Variants in TFPT observed in about 807,000 individuals in gnomAD.
TFPT encodes TCF3 fusion partner, also known as INO80 complex subunit F.
Under a neutral mutation model 28.8 loss-of-function variants are expected in TFPT, and 27 were observed. The ratio of observed to expected loss-of-function variants is 0.94; its 90% CI spans 0.69 to 1.29. The LOEUF (loss-of-function observed/expected upper bound fraction) is 1.29, where lower values mean the gene tolerates loss of function less well. TFPT is among the 50% of genes most tolerant of loss of function. TFPT has a pLI of 0.00. For synonymous variants in TFPT, 152 were observed against 142.8 expected (o/e 1.06, Z -0.46); for missense variants, 330 against 338.0 (o/e 0.98, Z 0.19).
Position 54,114,463 on chromosome 19 carries a change from C to G in TFPT, c.261G>C (p.Arg87=), listed in dbSNP as rs778588676. The change falls in exon 2 of 6, where the codon CGG becomes CGC. Residue 87 remains arginine, a synonymous_variant. Coordinates refer to ENST00000391759, the MANE Select transcript of TFPT (RefSeq NM_013342.4). ...CTACCTGCTCGATCTCCCGGCAGCG[C>G]CGACCTAGTGCCTGGTACTTTCTGC... ...LNRRKYQALG[R]RCREIEQVNE... is the part of the protein sequence containing the mutation. The G allele has an allele frequency of 1.9e-6, 3 of 1,613,440 alleles. No homozygotes were observed. The highest frequency in any genetic ancestry group is 2.5e-6 in the Non-Finnish European group (3 of 1,179,848).
Position 54,110,111 on chromosome 19 carries a change from C to T in TFPT, c.293G>A (p.Arg98Gln), listed in dbSNP as rs774272913. The T allele has an allele frequency of 3.3e-5, 54 of 1,614,030 alleles. No homozygotes were observed. The highest frequency in any genetic ancestry group is 4.0e-5 in the African/African-American group (3 of 74,926). ...RCREIEQVNE[R>Q]VLNRLHQVQR... ...CACCTGATGGAGCCTGTTCAGGACCCGCTCGTTCACCTATGGGGTGGGAAA... is the reference window on the plus strand; with the variant it reads ...CACCTGATGGAGCCTGTTCAGGACCTGCTCGTTCACCTATGGGGTGGGAAA... Residue 98 changes from arginine (R) to glutamine (Q), a missense_variant, in exon 3 of 6, where the codon CGG (arginine) becomes CAG (glutamine). By Grantham distance (43) the Arg-to-Gln change is conservative. Coordinates refer to ENST00000391759, the MANE Select transcript of TFPT (RefSeq NM_013342.4).
Position 54,115,452 on chromosome 19 carries a change from C to A in TFPT, c.-183G>T. ...CTTCGCTTCGGCCCACCCCCACGTC[C>A]ACCCCGAATCCCTGCTTAAAGGCCT... On this transcript the variant is annotated 5_prime_UTR_variant, in exon 1 of 6. Coordinates refer to ENST00000391759, the MANE Select transcript of TFPT (RefSeq NM_013342.4). 2.8e-6 allele frequency: 2 copies of A among 722,552 alleles called. No individual in the cohort carries two copies. Among genetic ancestry groups the A allele is most frequent in the Non-Finnish European group, 4.6e-6 (2 of 436,074 alleles). 44.8% of individuals were successfully genotyped at this position (722,552 alleles called of 1,614,324 possible). A position where few individuals can be genotyped will look rare whatever the true frequency, so the allele number is the denominator to read the frequency against.
Position 54,115,353 on chromosome 19 carries a change from C to T in TFPT, c.-84G>A. On this transcript the variant is annotated 5_prime_UTR_variant, in exon 1 of 6. Coordinates refer to ENST00000391759, the MANE Select transcript of TFPT (RefSeq NM_013342.4). ...TAAGCCGTTCGCAAAACTACTTGTC[C>T]CATCAGGCTCAGCAGCCGAGGACGG... 1 of 1,597,934 alleles carries T rather than the reference C, an allele frequency of 6.3e-7. No individual in the cohort carries two copies. Among genetic ancestry groups the T allele is most frequent in the Non-Finnish European group, 8.6e-7 (1 of 1,167,992 alleles).
At chr19:54,114,724 G>C in intron 1 of TFPT, 24 bp from the exon 2 acceptor site, 2 of 1,600,364 alleles carry the variant, frequency 1.2e-6, no homozygotes, top group South Asian at 2.2e-5. Flanking sequence ...AAAGGCTCAG[G>C]GGCCCTGGAT....
chr19:54,115,553 C>G lies in TFPT; in HGVS notation c.-284G>C. The G allele has an allele frequency of 1.7e-6, 1 of 579,754 alleles. No homozygotes were observed. The allele number at this position is 579,754 out of a possible 1,614,324, so 35.9% of individuals were successfully genotyped here. On this transcript the variant is annotated 5_prime_UTR_variant, in exon 1 of 6. Coordinates refer to ENST00000391759, the MANE Select transcript of TFPT (RefSeq NM_013342.4). Reference sequence around the variant, plus strand: ...CTTCTTGTCTCGACGCCCCGTCGTCCGGCCACAGCGATTCTCTGCTTAGCA... The same window carrying G: ...CTTCTTGTCTCGACGCCCCGTCGTCGGGCCACAGCGATTCTCTGCTTAGCA...
At position 54,108,372 on chromosome 19, in the gene TFPT, G is replaced by T. The variant is rs2073345471; in HGVS notation, c.377C>A (p.Ser126Tyr). The change falls in exon 4 of 6, where the codon TCC becomes TAC. Residue 126 changes from serine to tyrosine, a missense_variant. Ser to Tyr is a moderately radical substitution (Grantham distance 144, BLOSUM62 -2). Coordinates refer to ENST00000391759, the MANE Select transcript of TFPT (RefSeq NM_013342.4). Reference protein sequence around the residue: ...ERRFLMRVLDSYGDDYRASQF... With the variant: ...ERRFLMRVLDYYGDDYRASQF... The stretch of plus-strand genomic sequence containing the variant: ...GCTGGCCCGGTAGTCATCCCCGTAG[G>T]AGTCCAGCACTCTCATGAGGAACCT... The T allele has an allele frequency of 1.2e-6, 2 of 1,613,036 alleles. No homozygotes were observed. Among genetic ancestry groups the T allele is most frequent in the Admixed American group, 3.3e-5 (2 of 59,842 alleles).
At chr19:54,109,720 AAAG>A (rs2073386972) in intron 3 of TFPT, among the ~76,000 whole-genome samples, 1 of 130,248 alleles carries the variant, frequency 7.7e-6, no homozygotes, top group Non-Finnish European at 1.6e-5. Context: ...AGCAAAAAAA[AAAG>A]AAAATACTTG....
intron 1 of TFPT, 38 bp downstream of exon 1, chr19:54,115,209 T>A (rs754252266): frequency 1.2e-6 from 2 of 1,614,146 alleles, no homozygotes; most frequent in South Asian, 2.2e-5. Flanking sequence ...CACTGTTTTC[T>A]GGGATTCGCA....
intron 2 of TFPT, among the ~76,000 whole-genome samples, chr19:54,113,093 CAAAAAAAAAAAAAAAA>C (rs139440012): frequency 3.4e-5 from 2 of 58,560 alleles, no homozygotes; most frequent in Admixed American, 2.6e-4. Flanking sequence ...GACTCCACCT[CAAAAAAAAAAAAAAAA>C]AAAAAAAAAA....
chr19:54,111,684 GAAA>G (rs56412241), intron 2 of TFPT, among the ~76,000 whole-genome samples: 22 of 119,464 alleles, frequency 1.8e-4, no homozygotes, highest in African/African-American at 6.3e-4. Context: ...TGTCTCAAAA[GAAA>G]AAAAAAAAAA....
chr19:54,107,207 G>A, intron 5 of TFPT, 38 bp from the exon 6 acceptor site: 2 of 1,584,242 alleles, frequency 1.3e-6, no homozygotes, highest in South Asian at 1.1e-5. Context: ...ACAGGCCTGG[G>A]AATCTAGAAA....
intron 5 of TFPT, chr19:54,107,409 C>G: frequency 5.5e-6 from 3 of 543,514 alleles, no homozygotes; most frequent in Non-Finnish European, 9.7e-6. Flanking sequence ...CCAACCAAGC[C>G]TAACATGTTT....
rs759956326 is a variant in TFPT, at chr19:54,115,308, G to T, written c.-39C>A. The T allele has an allele frequency of 4.6e-5, 75 of 1,613,544 alleles. No homozygotes were observed. Among genetic ancestry groups the T allele is most frequent in the South Asian group, 8.8e-5 (8 of 91,088 alleles). On this transcript the variant is annotated 5_prime_UTR_variant, in exon 1 of 6. Coordinates refer to ENST00000391759, the MANE Select transcript of TFPT (RefSeq NM_013342.4). ...GGAAGCCCCGGGCCTCAGAGCTTCC[G>T]ACCTCTTCAATCTGTAGGTTAAGCC... is the stretch of plus-strand genomic sequence containing the variant.
At position 54,108,489 on chromosome 19, in the gene TFPT, A is replaced by G. The variant is rs376422382; in HGVS notation, c.354-94T>C. On this transcript the variant is annotated intron_variant, in intron 3 of 5. Coordinates refer to ENST00000391759, the MANE Select transcript of TFPT (RefSeq NM_013342.4). ...TAGAGCTCAGCTCCCACTCCACTCA[A>G]CGCCAAAGCTGTCCTGGAGCCAGAC... 3 of 1,613,454 alleles carry G rather than the reference A, an allele frequency of 1.9e-6. No individual in the cohort carries two copies. In the African/African-American group the frequency reaches 4.0e-5, roughly 22 times the overall value.
chr19:54,111,895 G>T (rs1314165360), intron 2 of TFPT, among the ~76,000 whole-genome samples: 1 of 151,974 alleles, frequency 6.6e-6, no homozygotes, highest in Non-Finnish European at 1.5e-5. Context: ...CAGGAGAATC[G>T]CTTGAACCCA....
At chr19:54,115,099 C>A (rs940957539) in intron 1 of TFPT, 148 bp downstream of exon 1, 5 of 1,244,006 alleles carry the variant, frequency 4.0e-6, no homozygotes, top group Non-Finnish European at 5.8e-6. Context: ...TCAGGATGAC[C>A]CCAGTCCATA....
Position 54,114,692 on chromosome 19 carries a change from G to A in TFPT, c.32C>T (p.Ala11Val). Residue 11 changes from alanine (A) to valine (V), a missense_variant, in exon 2 of 6, where the codon GCA becomes GTA. Ala to Val is a moderately conservative substitution (Grantham distance 64). Transcript: ENST00000391759. The stretch of plus-strand genomic sequence containing the variant: ...TGAGAACTCCTCAAAGCCCACGGCT[G>A]CCATGGTCCTGAGAGGCAGGGAAAG... MELEQREGTM[A>V]AVGFEEFSAP... 1.9e-6 allele frequency: 3 copies of A among 1,612,946 alleles called. No homozygotes were observed. Among genetic ancestry groups the A allele is most frequent in the Non-Finnish European group, 1.7e-6 (2 of 1,179,880 alleles).
Position 54,115,602 on chromosome 19 carries a change from A to G in TFPT, c.-333T>C. On this transcript the variant is annotated 5_prime_UTR_variant, in exon 1 of 6. Coordinates refer to ENST00000391759, the MANE Select transcript of TFPT (RefSeq NM_013342.4). The stretch of plus-strand genomic sequence containing the variant: ...CAGGATCGGTCCACAGCGGGACGTG[A>G]GTCCCTTTCCTCCTCGCGGCTTACC... 4.3e-6 allele frequency: 2 copies of G among 469,860 alleles called. No homozygotes were observed. Among genetic ancestry groups the G allele is most frequent in the Non-Finnish European group, 7.6e-6 (2 of 262,442 alleles). The allele number at this position is 469,860 out of a possible 1,614,324, so 29.1% of individuals were successfully genotyped here. A position where few individuals can be genotyped will look rare whatever the true frequency, so the allele number is the denominator to read the frequency against.
At chr19:54,114,408 G>A (rs766290639) in intron 2 of TFPT, 34 bp downstream of exon 2, 2 of 1,590,918 alleles carry the variant, frequency 1.3e-6, no homozygotes, top group Non-Finnish European at 8.6e-7. Context: ...TTAGGCCAGG[G>A]GACCCCAAAA....
Sources: gnomAD v4.1 joint callset for allele counts (sites outside exome capture counted in the v4.1 genomes callset) on GRCh38, gnomAD v4.1.1 for gene constraint, MANE v1.5 for transcripts, NCBI Gene and HGNC (gene_info 2026-07-23, HGNC 2026-07-21) for gene names.